The following LRRC4C variants were observed in gnomAD, a reference collection of about 807,000 sequenced individuals.
LRRC4C encodes the protein leucine-rich repeat-containing protein 4C.
Under a neutral mutation model 33.6 loss-of-function variants are expected in LRRC4C, and 5 were observed. The ratio of observed to expected loss-of-function variants is 0.15; its 90% CI spans 0.08 to 0.31. LRRC4C has a LOEUF of 0.31. Ranked by LOEUF, LRRC4C falls within the 10% of genes least tolerant of loss-of-function variation. The pLI is 1.00. For synonymous variants in LRRC4C, 329 were observed against 302.0 expected, an observed-to-expected ratio of 1.09 and a Z score of -0.93; for missense variants, 560 against 796.7, an observed-to-expected ratio of 0.70 and a Z score of 3.58.
At chr11:40,791,134 C>A (rs559034392) in intron 2 of LRRC4C, among the ~76,000 whole-genome samples, 63 of 152,264 alleles carry the variant, frequency 4.1e-4, no homozygotes, top group Middle Eastern at 6.8e-3. Flanking sequence ...TCCAGAGGTG[C>A]TCATGAATTT....
intron 1 of LRRC4C, among the ~76,000 whole-genome samples, chr11:41,209,428 A>G (rs920601198): frequency 6.6e-6 from 1 of 151,732 alleles, no homozygotes; most frequent in Admixed American, 6.6e-5. Context: ...TCACAGGTTC[A>G]CAGTAGGAGA....
intron 1 of LRRC4C, among the ~76,000 whole-genome samples, chr11:41,202,631 C>T (rs560508607): frequency 1.9e-4 from 29 of 152,024 alleles, no homozygotes; most frequent in Non-Finnish European, 2.9e-4. Context: ...ATAACAGAGC[C>T]GACATTGCCG....
chr11:40,397,586 A>G (rs1247874187), intron 3 of LRRC4C, among the ~76,000 whole-genome samples: 1 of 152,086 alleles, frequency 6.6e-6, no homozygotes, highest in East Asian at 1.9e-4. Context: ...AGGGTCAGGA[A>G]GTAGTTGGTG....
chr11:40,291,697 C>T (rs1301634464), intron 4 of LRRC4C, among the ~76,000 whole-genome samples: 1 of 152,174 alleles, frequency 6.6e-6, no homozygotes, highest in African/African-American at 2.4e-5. Context: ...TCCACCCACG[C>T]ACCAGCCAGA....
At chr11:40,892,354 A>C (rs1454018303) in intron 2 of LRRC4C, among the ~76,000 whole-genome samples, 1 of 152,080 alleles carries the variant, frequency 6.6e-6, no homozygotes, top group African/African-American at 2.4e-5. Context: ...TGGACAAAAA[A>C]ACATGTACAT....
At chr11:41,452,008 A>AGTATG (rs1956042243) in intron 1 of LRRC4C, among the ~76,000 whole-genome samples, 1 of 152,126 alleles carries the variant, frequency 6.6e-6, no homozygotes, top group Admixed American at 6.6e-5. Context: ...TTCAGGAAAG[A>AGTATG]GTATGCCTTT....
rs1956020264 is a variant in LRRC4C at position 40,897,891 on chromosome 11, A to G, written c.-407+35744T>C. Among the ~76,000 whole-genome samples, 3 of 152,210 alleles carry G rather than the reference A, an allele frequency of 2.0e-5. No individual in the cohort carries two copies. The South Asian group carries it at 6.2e-4, about 31-fold the overall frequency. On this transcript the variant is annotated intron_variant, in intron 2 of 6. Transcript: ENST00000528697. ...TGGCTACCCCATGGCATACCATGCC[A>G]TACCGCTCCCGTTGAGTTGCATGTG...
chr11:40,279,399 C>G (rs532402426), intron 4 of LRRC4C, among the ~76,000 whole-genome samples: 3 of 152,136 alleles, frequency 2.0e-5, no homozygotes, highest in Non-Finnish European at 4.4e-5. Flanking sequence ...TACACCATTG[C>G]GCATTCAGAA....
At chr11:40,700,929 C>T (rs1484806911) in intron 2 of LRRC4C, among the ~76,000 whole-genome samples, 2 of 152,152 alleles carry the variant, frequency 1.3e-5, no homozygotes, top group African/African-American at 2.4e-5. Flanking sequence ...TTATTGACTT[C>T]GCTCTTTCCA....
intron 1 of LRRC4C, among the ~76,000 whole-genome samples, chr11:41,386,871 T>C (rs548435533): frequency 6.6e-6 from 1 of 151,890 alleles, no homozygotes; most frequent in East Asian, 1.9e-4. Flanking sequence ...TTCTTTATTC[T>C]TTTGTCTTTA....
chr11:41,263,134 G>T (rs1275721026), intron 1 of LRRC4C, among the ~76,000 whole-genome samples: 1 of 152,150 alleles, frequency 6.6e-6, no homozygotes, highest in Non-Finnish European at 1.5e-5. Flanking sequence ...AGTCGTGTTA[G>T]AAATGAAATT....
At chr11:40,315,362 T>C (rs897725205) in intron 4 of LRRC4C, among the ~76,000 whole-genome samples, 9 of 151,960 alleles carry the variant, frequency 5.9e-5, no homozygotes, top group African/African-American at 2.2e-4. Flanking sequence ...TCCTAGTTTA[T>C]GTACCTACAT....
intron 1 of LRRC4C, among the ~76,000 whole-genome samples, chr11:41,197,890 G>C (rs1946247752): frequency 6.6e-6 from 1 of 151,892 alleles, no homozygotes; most frequent in South Asian, 2.1e-4. Flanking sequence ...TCTGGAAAAT[G>C]CTCAGTAAAT....
At chr11:40,331,889 A>T (rs1001584205) in intron 3 of LRRC4C, among the ~76,000 whole-genome samples, 3 of 152,152 alleles carry the variant, frequency 2.0e-5, no homozygotes, top group Non-Finnish European at 2.9e-5. Context: ...ATAATTACAT[A>T]AGCCAATTCT....
intron 2 of LRRC4C, among the ~76,000 whole-genome samples, chr11:40,711,972 C>G (rs1254203745): frequency 2.0e-5 from 3 of 152,126 alleles, no homozygotes; most frequent in Non-Finnish European, 4.4e-5. Flanking sequence ...GCAATAAAAG[C>G]TAAAACCCTT....
chr11:40,421,873 G>C (rs1213360808), intron 3 of LRRC4C, among the ~76,000 whole-genome samples: 1 of 152,188 alleles, frequency 6.6e-6, no homozygotes, highest in Non-Finnish European at 1.5e-5. Flanking sequence ...AATGATAATT[G>C]TCATAGGATG....
chr11:40,312,049 T>C (rs1367347884), intron 4 of LRRC4C, among the ~76,000 whole-genome samples: 1 of 152,122 alleles, frequency 6.6e-6, no homozygotes, highest in Non-Finnish European at 1.5e-5. Flanking sequence ...CACTTATGTC[T>C]TGTTATTTAT....
chr11:40,959,983 A>G (rs1734024576), intron 1 of LRRC4C, among the ~76,000 whole-genome samples: 1 of 151,716 alleles, frequency 6.6e-6, no homozygotes, highest in Non-Finnish European at 1.5e-5. Context: ...TCTACTTTAA[A>G]TTATTAACAA....
At chr11:40,462,945 C>T (rs1952471654) in intron 3 of LRRC4C, among the ~76,000 whole-genome samples, 1 of 151,198 alleles carries the variant, frequency 6.6e-6, no homozygotes, top group African/African-American at 2.4e-5. Flanking sequence ...TGTGAGAATT[C>T]TGGAGGTCTC....
Sources: allele counts gnomAD v4.1 joint callset (sites outside exome capture counted in the v4.1 genomes callset), GRCh38; gene constraint gnomAD v4.1.1; transcripts MANE v1.5; gene names NCBI Gene and HGNC (gene_info 2026-07-23, HGNC 2026-07-21).